The following INPP4B variants were observed in gnomAD, a reference collection of about 807,000 sequenced individuals.
The protein encoded by INPP4B is inositol polyphosphate-4-phosphatase type II B.
A neutral mutation model predicts 122.5 loss-of-function variants in INPP4B; 55 were observed. The observed-to-expected ratio is 0.45, with a 90% CI of 0.36 to 0.56. The LOEUF (loss-of-function observed/expected upper bound fraction) is 0.56. Among genes scored for constraint, INPP4B ranks in the 20% least tolerant of loss-of-function variants. INPP4B has a pLI of 0.00. For missense variants in INPP4B, 1,000 were observed against 1,097.7 expected (o/e 0.91, Z 1.26); for synonymous variants, 403 against 388.7 (o/e 1.04, Z -0.43).
chr4:142,438,733 C>A lies in INPP4B; in HGVS notation c.-126-7348G>T, dbSNP rs192034794. ...ATTAAAGAGCTTCTGCACAGCAAAA[C>A]AACAAAAAACTATAATCAGAGAGAA... On this transcript the variant is annotated intron_variant, in intron 3 of 25. Transcript: ENST00000262992. Among the ~76,000 whole-genome samples, 4 of 152,090 alleles carry A rather than the reference C, an allele frequency of 2.6e-5. No homozygotes were observed. The East Asian group carries it at 7.7e-4, about 29-fold the overall frequency.
intron 12 of INPP4B, among the ~76,000 whole-genome samples, chr4:142,237,268 T>C (rs1182401720): frequency 6.6e-6 from 1 of 151,958 alleles, no homozygotes; most frequent in Non-Finnish European, 1.5e-5. Context: ...CCATAAGCAG[T>C]TGAGGAAAAG....
chr4:142,821,262 G>T (rs1416841859), intron 1 of INPP4B, among the ~76,000 whole-genome samples: 1 of 151,946 alleles, frequency 6.6e-6, no homozygotes, highest in Non-Finnish European at 1.5e-5. Flanking sequence ...TCTCTTGAGT[G>T]GATTTATTTA....
chr4:142,372,408 C>A lies in INPP4B; in HGVS notation c.372+30530G>T, dbSNP rs150085493. On this transcript the variant is annotated intron_variant, in intron 7 of 25. Transcript: ENST00000262992. ...AGCTAGGAGAGATTTGAAATGCTCC[C>A]CACACAAAGAAATGATGAATGTTTG... 8.1e-3 allele frequency among the ~76,000 whole-genome samples: 1,238 copies of A among 152,036 alleles called. 17 individuals are homozygous for A. The highest frequency in any genetic ancestry group is 0.029 in the African/African-American group (1,184 of 41,478).
intron 2 of INPP4B, among the ~76,000 whole-genome samples, chr4:142,712,394 C>A (rs1321751782): frequency 6.6e-6 from 1 of 152,134 alleles, no homozygotes; most frequent in Non-Finnish European, 1.5e-5. Context: ...CTGGCTGACC[C>A]TACAAGATGC....
At chr4:142,612,012 T>C (rs576818294) in intron 2 of INPP4B, among the ~76,000 whole-genome samples, 12 of 152,226 alleles carry the variant, frequency 7.9e-5, no homozygotes, top group Non-Finnish European at 1.5e-4. Context: ...GCTCACTGTA[T>C]AGCATACACA....
At chr4:142,335,691 G>C (rs185170671) in intron 7 of INPP4B, among the ~76,000 whole-genome samples, 274 of 152,324 alleles carry the variant, frequency 1.8e-3, no homozygotes, top group African/African-American at 6.3e-3. Context: ...GCAGAACATA[G>C]AGGAAAGTCA....
intron 17 of INPP4B, among the ~76,000 whole-genome samples, chr4:142,152,975 A>T (rs1037482579): frequency 6.6e-6 from 1 of 152,230 alleles, no homozygotes; most frequent in Non-Finnish European, 1.5e-5. Context: ...GTAGTAAAAA[A>T]AAACTATACT....
chr4:142,398,238 C>A (rs1310193404), intron 7 of INPP4B, among the ~76,000 whole-genome samples: 1 of 150,480 alleles, frequency 6.6e-6, no homozygotes, highest in Non-Finnish European at 1.5e-5. Flanking sequence ...ATTAGCCAGG[C>A]GTGGTGGCGG....
chr4:142,527,469 A>C (rs1029684845), intron 2 of INPP4B, among the ~76,000 whole-genome samples: 65 of 152,234 alleles, frequency 4.3e-4, no homozygotes, highest in African/African-American at 1.5e-3. Context: ...CTGTTCTTCG[A>C]TATGTTTGAT....
At chr4:142,276,917 G>C (rs1411154992) in intron 9 of INPP4B, among the ~76,000 whole-genome samples, 5 of 151,884 alleles carry the variant, frequency 3.3e-5, no homozygotes, top group African/African-American at 9.7e-5. Flanking sequence ...ACCAGCTCTA[G>C]CTCCTTGAAT....
chr4:142,401,270 C>G (rs1801495547), intron 7 of INPP4B, among the ~76,000 whole-genome samples: 1 of 152,044 alleles, frequency 6.6e-6, no homozygotes, highest in Admixed American at 6.6e-5. Flanking sequence ...AAAACAAAAA[C>G]AGCAACAAAA....
At chr4:142,736,402 T>C (rs1358678054) in intron 1 of INPP4B, among the ~76,000 whole-genome samples, 2 of 152,210 alleles carry the variant, frequency 1.3e-5, no homozygotes, top group East Asian at 1.9e-4. Flanking sequence ...CTTTCCTGCC[T>C]GGAATATTAT....
At chr4:142,674,361 A>G (rs555520009) in intron 2 of INPP4B, among the ~76,000 whole-genome samples, 3 of 152,272 alleles carry the variant, frequency 2.0e-5, no homozygotes, top group Non-Finnish European at 4.4e-5. Context: ...TCTGAGGTAC[A>G]GTCTAGGCTT....
intron 9 of INPP4B, among the ~76,000 whole-genome samples, chr4:142,282,497 C>A (rs1472227681): frequency 6.6e-6 from 1 of 152,128 alleles, no homozygotes; most frequent in Admixed American, 6.5e-5. Context: ...GTCCTCTGCT[C>A]AGGGCCTAAC....
intron 2 of INPP4B, among the ~76,000 whole-genome samples, chr4:142,550,153 C>G (rs1727626797): frequency 6.6e-6 from 1 of 152,076 alleles, no homozygotes; most frequent in African/African-American, 2.4e-5. Context: ...AGTATTAGAG[C>G]CTAGTGCTCC....
chr4:142,158,831 G>A (rs955600843), intron 17 of INPP4B, among the ~76,000 whole-genome samples: 2 of 151,704 alleles, frequency 1.3e-5, no homozygotes, highest in Non-Finnish European at 2.9e-5. Context: ...AAAACATAGT[G>A]AGTTAAAATG....
At chr4:142,240,216 T>G (rs1858682824) in intron 11 of INPP4B, among the ~76,000 whole-genome samples, 1 of 151,688 alleles carries the variant, frequency 6.6e-6, no homozygotes, top group Admixed American at 6.6e-5. Flanking sequence ...TCTTTTTTTG[T>G]AAAGACAGGG....
intron 1 of INPP4B, among the ~76,000 whole-genome samples, chr4:142,796,217 A>C (rs1195884907): frequency 6.6e-6 from 1 of 152,032 alleles, no homozygotes; most frequent in Non-Finnish European, 1.5e-5. Context: ...TGAATGAATT[A>C]AGGAGAAGTA....
intron 3 of INPP4B, among the ~76,000 whole-genome samples, chr4:142,433,553 T>G (rs1809790447): frequency 6.6e-6 from 1 of 152,204 alleles, no homozygotes; most frequent in South Asian, 2.1e-4. Context: ...GTTAATATTT[T>G]GTACACTCAC....
Sources: gnomAD v4.1 joint callset for allele counts (sites outside exome capture counted in the v4.1 genomes callset) on GRCh38, gnomAD v4.1.1 for gene constraint, MANE v1.5 for transcripts, NCBI Gene and HGNC (gene_info 2026-07-23, HGNC 2026-07-21) for gene names.